The following HEXD variants were observed in gnomAD, a reference collection of about 807,000 sequenced individuals.
HEXD encodes N-acetyl-beta-galactosaminidase.
Under a neutral mutation model 54.2 loss-of-function variants are expected in HEXD, and 47 were observed. That is an observed-to-expected ratio of 0.87 (90% confidence interval 0.69 to 1.11). The LOEUF is 1.11. Among genes scored for constraint, HEXD ranks in the 50% least tolerant of loss-of-function variants. The probability of loss-of-function intolerance (pLI) is 0.00; values close to 1 mark genes in which losing one functional copy is unlikely to be tolerated. For synonymous variants in HEXD, 293 were observed against 287.6 expected (o/e 1.02, Z -0.19); for missense variants, 576 against 649.2 (o/e 0.89, Z 1.23).
At chr17:82,437,926 A>C (rs1366116702) in intron 8 of HEXD, among the ~76,000 whole-genome samples, 1 of 152,160 alleles carries the variant, frequency 6.6e-6, no homozygotes, top group Non-Finnish European at 1.5e-5. Context: ...TGGGTGGGCC[A>C]ATAGTGTGAC....
At position 82,433,114 on chromosome 17, in the gene HEXD, ATATATATATATATATT is replaced by A. The variant is rs1567890524; in HGVS notation, c.283-542_283-527del. Among the ~76,000 whole-genome samples the A allele has an allele frequency of 6.2e-4, 11 of 17,670 alleles. 3 individuals carry two copies. The highest frequency in any genetic ancestry group is 4.7e-3 in the African/African-American group (10 of 2,128). 11.6% of individuals were successfully genotyped at this position (17,670 alleles called of 152,430 possible). The stretch of plus-strand genomic sequence containing the variant: ...AAAATATATATATATATATATATAT[ATATATATATATATATT>A]TTTTTTTTTTTTTTATATATATATT... On this transcript the variant is annotated intron_variant, in intron 4 of 12. Transcript: ENST00000327949.
chr17:82,437,103 G>A, intron 7 of HEXD, 65 bp from the exon 8 acceptor site: 4 of 1,387,480 alleles, frequency 2.9e-6, no homozygotes, highest in South Asian at 1.3e-5. Flanking sequence ...AGCCCCGGGA[G>A]GCGTGTCCAG....
chr17:82,438,094 T>C (rs2053824282), intron 8 of HEXD, among the ~76,000 whole-genome samples: 1 of 152,028 alleles, frequency 6.6e-6, no homozygotes, highest in Admixed American at 6.6e-5. Flanking sequence ...AAAATTAGCC[T>C]GGCGTGGTGG....
rs1365315922 is a variant in HEXD at position 82,434,974 on chromosome 17, C to T, written c.448-715C>T. Among the ~76,000 whole-genome samples, 4 of 151,514 alleles carry T rather than the reference C, an allele frequency of 2.6e-5. No homozygotes were observed. Among genetic ancestry groups the T allele is most frequent in the African/African-American group, 4.8e-5 (2 of 41,250 alleles). On this transcript the variant is annotated intron_variant, in intron 5 of 12. Transcript: ENST00000327949. The surrounding 1 kb of genome is among the most constrained non-coding windows in gnomAD (Gnocchi z 4.5). The stretch of plus-strand genomic sequence containing the variant: ...CAGCCTGGCCAACATGGTGAAACCC[C>T]GTCTCTACTAAAAATACAAAATTAG...
intron 2 of HEXD, among the ~76,000 whole-genome samples, chr17:82,422,581 G>A (rs1555615576): frequency 6.6e-6 from 1 of 151,900 alleles, no homozygotes; most frequent in Non-Finnish European, 1.5e-5. Flanking sequence ...GAATTATAAG[G>A]AAAAAACAAT....
intron 1 of HEXD, 112 bp downstream of exon 1, chr17:82,418,852 C>T (rs1052982975): frequency 2.0e-5 from 3 of 152,266 alleles, no homozygotes; most frequent in Non-Finnish European, 4.4e-5. Context: ...CCGAGCGACG[C>T]CTCCCAGCGT....
chr17:82,425,023 AGAGAAGGCTG>A (rs1240630876), intron 3 of HEXD, among the ~76,000 whole-genome samples: 1 of 147,302 alleles, frequency 6.8e-6, no homozygotes, highest in East Asian at 2.1e-4. Context: ...GGAGGAGGCT[AGAGAAGGCTG>A]GAGGAGGCTG....
rs370046653 is a variant in HEXD, at chr17:82,435,814, C to T, written c.573C>T (p.Ser191=). The change falls in exon 6 of 13, where the codon AGC becomes AGT. Residue 191 remains serine (S), a synonymous_variant. Transcript: ENST00000327949. ...GCGGCGTGAAGGCCCGGCGCCCCAG[C>T]GTGACACCCCTGGTGTGGGACGACA... The part of the protein sequence containing the change: ...VASGVKARRP[S]VTPLVWDDML... The T allele has an allele frequency of 3.4e-5, 55 of 1,612,380 alleles. No homozygotes were observed. Among genetic ancestry groups the T allele is most frequent in the South Asian group, 3.4e-4 (31 of 91,048 alleles).
chr17:82,424,747 G>A (rs181148569), intron 3 of HEXD, among the ~76,000 whole-genome samples: 72 of 152,372 alleles, frequency 4.7e-4, no homozygotes, highest in Admixed American at 1.9e-3. Flanking sequence ...CATCAGCAGC[G>A]CCCCCTACAG....
At chr17:82,436,481 G>T (rs555494225) in intron 6 of HEXD, among the ~76,000 whole-genome samples, 186 bp from the exon 7 acceptor site, 2 of 152,250 alleles carry the variant, frequency 1.3e-5, no homozygotes, top group Non-Finnish European at 1.5e-5. Context: ...TCGCTCCAGC[G>T]GGCGCTGGCT....
At position 82,442,554 on chromosome 17, in the gene HEXD, AAC is replaced by A. The variant is rs1253687348; in HGVS notation, c.*174_*175del. On this transcript the variant is annotated 3_prime_UTR_variant, in exon 13 of 13. Coordinates refer to ENST00000327949, the MANE Select transcript of HEXD (RefSeq NM_001330542.2). This position sits in a 1 kb window ranked among gnomAD's most constrained non-coding sequence, Gnocchi z 6.8. The stretch of plus-strand genomic sequence containing the variant: ...GCAGCCCCTGGGGGAGAGACTAGAA[AAC>A]ACAGAAGGAAGCAGCACAGGGAGAC... 1 of 1,584,796 alleles carries A rather than the reference AAC, an allele frequency of 6.3e-7. No homozygotes were observed. The highest frequency in any genetic ancestry group is 8.6e-7 in the Non-Finnish European group (1 of 1,156,352).
At chr17:82,432,766 T>C (rs2053608576) in intron 4 of HEXD, among the ~76,000 whole-genome samples, 1 of 151,660 alleles carries the variant, frequency 6.6e-6, no homozygotes, top group South Asian at 2.1e-4. Flanking sequence ...ACCGATTTGG[T>C]TTTTAAAAAA....
rs748186108 is a variant in HEXD at position 82,419,817 on chromosome 17, A to G, written c.18A>G (p.Pro6=). Residue 6 remains proline, a synonymous_variant, in exon 2 of 13, where the codon CCA becomes CCG. Transcript: ENST00000327949. MSGST[P]FQMRLVHLDL... Reference sequence around the variant, plus strand: ...ATATTGAAATGTCAGGTTCCACTCCATTTCAGATGAGATTAGTTCATTTAG... The same window carrying G: ...ATATTGAAATGTCAGGTTCCACTCCGTTTCAGATGAGATTAGTTCATTTAG... The G allele has an allele frequency of 6.2e-7, 1 of 1,611,692 alleles. No homozygotes were observed. The highest frequency in any genetic ancestry group is 8.5e-7 in the Non-Finnish European group (1 of 1,177,946).
At position 82,428,619 on chromosome 17, in the gene HEXD, T is replaced by G. The variant is rs1170287971; in HGVS notation, c.256T>G (p.Leu86Val). ...ACTCAATGAGCTGGAGGTGATTCCC[T>G]TGGTGCAGACATTTGGACACATGGA... Reference protein sequence around the residue: ...AGLNELEVIPLVQTFGHMEFV... With the variant: ...AGLNELEVIPVVQTFGHMEFV... Residue 86 changes from leucine to valine, a missense_variant, in exon 4 of 13, where the codon TTG becomes GTG. Coordinates refer to ENST00000327949, the MANE Select transcript of HEXD (RefSeq NM_001330542.2). 6.2e-7 allele frequency: 1 copy of G among 1,613,278 alleles called. No individual in the cohort carries two copies. The highest frequency in any genetic ancestry group is 1.1e-5 in the South Asian group (1 of 91,076).
intron 4 of HEXD, among the ~76,000 whole-genome samples, chr17:82,431,501 T>C (rs1296551919): frequency 6.6e-6 from 1 of 151,088 alleles, no homozygotes; most frequent in Non-Finnish European, 1.5e-5. Context: ...TGATCTCAGC[T>C]CACTACAAAC....
chr17:82,437,248 A>C lies in HEXD; in HGVS notation c.784A>C (p.Ser262Arg), dbSNP rs578120968. ...ASAFKGATGP[S>R]QAVPPVEHHL... Reference sequence around the variant, plus strand: ...TGCCTTCAAGGGTGCCACGGGGCCCAGCCAGGCCGTGCCCCCTGTTGAGCA... The same window carrying C: ...TGCCTTCAAGGGTGCCACGGGGCCCCGCCAGGCCGTGCCCCCTGTTGAGCA... Residue 262 changes from serine (S) to arginine (R), a missense_variant, in exon 8 of 13, where the codon AGC becomes CGC. By Grantham distance (110) the Ser-to-Arg change is moderately radical. Transcript: ENST00000327949. 14 of 1,611,480 alleles carry C rather than the reference A, an allele frequency of 8.7e-6. No homozygotes were observed. Among genetic ancestry groups the C allele is most frequent in the Admixed American group, 5.0e-5 (3 of 59,888 alleles).
chr17:82,439,547 C>G, intron 8 of HEXD, 84 bp from the exon 9 acceptor site: 1 of 1,494,638 alleles, frequency 6.7e-7, no homozygotes, highest in Non-Finnish European at 8.9e-7. Flanking sequence ...CCTGGAACAA[C>G]AGCAGGGACG....
At chr17:82,422,310 G>T (rs1434806389) in intron 2 of HEXD, among the ~76,000 whole-genome samples, 1 of 152,074 alleles carries the variant, frequency 6.6e-6, no homozygotes, top group Non-Finnish European at 1.5e-5. Context: ...GATGACGGAA[G>T]CTGTGAAAGA....
intron 3 of HEXD, 118 bp from the exon 4 acceptor site, chr17:82,428,440 A>G (rs2053482573): frequency 5.2e-6 from 4 of 767,550 alleles, no homozygotes. Flanking sequence ...TGTGGAGTTT[A>G]GGGCCTTACT....
Sources: allele counts gnomAD v4.1 joint callset (sites outside exome capture counted in the v4.1 genomes callset), GRCh38; gene constraint gnomAD v4.1.1; non-coding constraint Gnocchi (gnomAD v3.1); transcripts MANE v1.5; gene names NCBI Gene and HGNC (gene_info 2026-07-23, HGNC 2026-07-21).